The following CCDC71L variants were observed in gnomAD, a reference collection of about 807,000 sequenced individuals.
CCDC71L encodes coiled-coil domain containing 71 like, also known as coiled-coil domain-containing protein 71L.
A neutral mutation model predicts 10.2 loss-of-function variants in CCDC71L; 6 were observed. The observed-to-expected ratio is 0.59, with a 90% CI of 0.32 to 1.16. The LOEUF (loss-of-function observed/expected upper bound fraction) is 1.16. CCDC71L is among the 50% of genes most tolerant of loss of function. The probability of loss-of-function intolerance (pLI) is 0.05; values close to 1 mark genes in which losing one functional copy is unlikely to be tolerated. For synonymous variants in CCDC71L, 204 were observed against 175.5 expected, an observed-to-expected ratio of 1.16 and a Z score of -1.28; for missense variants, 366 against 383.4, an observed-to-expected ratio of 0.95 and a Z score of 0.38.
Position 106,657,170 on chromosome 7 carries a change from A to C in CCDC71L, c.*3019T>G, listed in dbSNP as rs971525906. The C allele has an allele frequency of 6.6e-6, 1 of 152,212 alleles. No individual in the cohort carries two copies. The highest frequency in any genetic ancestry group is 2.4e-5 in the African/African-American group (1 of 41,448). The allele number at this position is 152,212 out of a possible 1,614,324, so 9.4% of individuals were successfully genotyped here. A position where few individuals can be genotyped will look rare whatever the true frequency, so the allele number is the denominator to read the frequency against. ...TTACACTTGTCAATATTCAAACTTG[A>C]ATAAAATAAACACACATCACAACAG... On this transcript the variant is annotated 3_prime_UTR_variant, in exon 1 of 1. Coordinates refer to ENST00000523505, the MANE Select transcript of CCDC71L (RefSeq NM_175884.6).
rs1792518956 is a variant in CCDC71L, at chr7:106,657,986, A to T, written c.*2203T>A. 1 of 152,244 alleles carries T rather than the reference A, an allele frequency of 6.6e-6. No homozygotes were observed. The highest frequency in any genetic ancestry group is 2.1e-4 in the South Asian group (1 of 4,834). The allele number at this position is 152,244 out of a possible 1,614,324, so 9.4% of individuals were successfully genotyped here. On this transcript the variant is annotated 3_prime_UTR_variant, in exon 1 of 1. Transcript: ENST00000523505. Reference sequence around the variant, plus strand: ...AGCCAAATTTCAAAATCCTCTGGAAAACTATCTAGATAAGCTGTATGTCGA... The same window carrying T: ...AGCCAAATTTCAAAATCCTCTGGAATACTATCTAGATAAGCTGTATGTCGA...
In CCDC71L at chr7:106,660,635, ACTGGTG is replaced by A; in HGVS notation, c.256_261del (p.His86_Gln87del). 6.3e-7 allele frequency: 1 copy of A among 1,590,526 alleles called. No homozygotes were observed. The highest frequency in any genetic ancestry group is 8.6e-7 in the Non-Finnish European group (1 of 1,168,846). ...TTGCTGCGCAGGATGTGCGGGGAGA[ACTGGTG>A]CTTGAGGCTGCAGAGGAAGCTCCAG... On this transcript the variant is annotated inframe_deletion, in exon 1 of 1. Coordinates refer to ENST00000523505, the MANE Select transcript of CCDC71L (RefSeq NM_175884.6). The surrounding 1 kb of genome is among the most constrained non-coding windows in gnomAD (Gnocchi z 7.5).
chr7:106,660,968 T>G lies in CCDC71L; in HGVS notation c.-72A>C, dbSNP rs1343701610. 3 of 1,296,266 alleles carry G rather than the reference T, an allele frequency of 2.3e-6. No homozygotes were observed. Among genetic ancestry groups the G allele is most frequent in the Admixed American group, 4.2e-5 (1 of 23,676 alleles). The allele number at this position is 1,296,266 out of a possible 1,614,324, so 80.3% of individuals were successfully genotyped here. On this transcript the variant is annotated 5_prime_UTR_variant, in exon 1 of 1. Coordinates refer to ENST00000523505, the MANE Select transcript of CCDC71L (RefSeq NM_175884.6). This position sits in a 1 kb window ranked among gnomAD's most constrained non-coding sequence, Gnocchi z 7.5. ...CGCCGCCGTCCCAGTCCGCGTTGGCTCCGCGGCGGCGGCTGCTGCTGGCGT... is the reference window on the plus strand; with the variant it reads ...CGCCGCCGTCCCAGTCCGCGTTGGCGCCGCGGCGGCGGCTGCTGCTGGCGT...
At position 106,659,997 on chromosome 7, in the gene CCDC71L, C is replaced by A; in HGVS notation, c.*192G>T. 2 of 767,504 alleles carry A rather than the reference C, an allele frequency of 2.6e-6. No individual in the cohort carries two copies. The highest frequency in any genetic ancestry group is 1.9e-6 in the Non-Finnish European group (1 of 521,398). The allele number at this position is 767,504 out of a possible 1,614,324, so 47.5% of individuals were successfully genotyped here. A position where few individuals can be genotyped will look rare whatever the true frequency, so the allele number is the denominator to read the frequency against. ...GGAGGCAGCAGAGGGCACACCTGCC[C>A]CAGCGTCCAAGACGACCGCGCCGCG... On this transcript the variant is annotated 3_prime_UTR_variant, in exon 1 of 1. Coordinates refer to ENST00000523505, the MANE Select transcript of CCDC71L (RefSeq NM_175884.6).
In CCDC71L at chr7:106,660,414, G is replaced by A. The variant is rs1487616853; in HGVS notation, c.483C>T (p.Cys161=). The A allele has an allele frequency of 1.8e-5, 23 of 1,273,712 alleles. No homozygotes were observed. Among genetic ancestry groups the A allele is most frequent in the Non-Finnish European group, 2.0e-5 (20 of 1,011,060 alleles). 78.9% of individuals were successfully genotyped at this position (1,273,712 alleles called of 1,614,324 possible). The change falls in exon 1 of 1, where the codon TGC becomes TGT. Residue 161 remains cysteine, a synonymous_variant. Transcript: ENST00000523505. This position sits in a 1 kb window ranked among gnomAD's most constrained non-coding sequence, Gnocchi z 7.5. ...GCCCGGGGGCCACGGGCTTGGCCGG[G>A]CAGCTCTCCTCGGGGGGCGGCGGCG... ...PPPPPPPEES[C]PAKPVAPGPC...
Position 106,660,849 on chromosome 7 carries a change from C to A in CCDC71L, c.48G>T (p.Pro16=). The A allele has an allele frequency of 6.7e-7, 1 of 1,486,012 alleles. No homozygotes were observed. Among genetic ancestry groups the A allele is most frequent in the Non-Finnish European group, 8.9e-7 (1 of 1,124,076 alleles). The allele number at this position is 1,486,012 out of a possible 1,614,324, so 92.1% of individuals were successfully genotyped here. A position where few individuals can be genotyped will look rare whatever the true frequency, so the allele number is the denominator to read the frequency against. ...AGTCGCCGCCCCGGGCGGCCGTGGC[C>A]GGGGCGACCGGGCGCCGGCGCCGCC... ...KRRRRRRPVA[P]ATAARGGDFR... Residue 16 remains proline (P), a synonymous_variant, in exon 1 of 1, where the codon CCG becomes CCT. Transcript: ENST00000523505. The surrounding 1 kb of genome is among the most constrained non-coding windows in gnomAD (Gnocchi z 7.5).
In CCDC71L at chr7:106,657,615, T is replaced by C. The variant is rs1792512049; in HGVS notation, c.*2574A>G. Reference sequence around the variant, plus strand: ...CCATGAAATACTTTCACTTTCCTATTAGTATACCAGTCAACTATATTAGAT... The same window carrying C: ...CCATGAAATACTTTCACTTTCCTATCAGTATACCAGTCAACTATATTAGAT... On this transcript the variant is annotated 3_prime_UTR_variant, in exon 1 of 1. Transcript: ENST00000523505. 6.6e-6 allele frequency: 1 copy of C among 152,244 alleles called. No homozygotes were observed. Among genetic ancestry groups the C allele is most frequent in the Non-Finnish European group, 1.5e-5 (1 of 68,032 alleles). The allele number at this position is 152,244 out of a possible 1,614,324, so 9.4% of individuals were successfully genotyped here.
In CCDC71L at chr7:106,659,932, T is replaced by C; in HGVS notation, c.*257A>G. The C allele has an allele frequency of 2.1e-6, 1 of 471,374 alleles. No individual in the cohort carries two copies. The highest frequency in any genetic ancestry group is 4.2e-5 in the Admixed American group (1 of 23,866). The allele number at this position is 471,374 out of a possible 1,614,324, so 29.2% of individuals were successfully genotyped here. On this transcript the variant is annotated 3_prime_UTR_variant, in exon 1 of 1. Transcript: ENST00000523505. ...TGGTCAGGAAGAAAGGGACCTCCCC[T>C]GCGGGTCCAGCTGTCCCCTCCCTCC...
Position 106,660,898 on chromosome 7 carries a change from G to C in CCDC71L, c.-2C>G, listed in dbSNP as rs1018097637. 10 of 1,391,512 alleles carry C rather than the reference G, an allele frequency of 7.2e-6. No homozygotes were observed. The highest frequency in any genetic ancestry group is 3.0e-5 in the East Asian group (1 of 33,726). 86.2% of individuals were successfully genotyped at this position (1,391,512 alleles called of 1,614,324 possible). A position where few individuals can be genotyped will look rare whatever the true frequency, so the allele number is the denominator to read the frequency against. ...CCGCCTCTTCATACTGCGCCGCATCGAAGGCCGCTCCGGGCCACTCACGCT... is the reference window on the plus strand; with the variant it reads ...CCGCCTCTTCATACTGCGCCGCATCCAAGGCCGCTCCGGGCCACTCACGCT... On this transcript the variant is annotated 5_prime_UTR_variant, in exon 1 of 1. Coordinates refer to ENST00000523505, the MANE Select transcript of CCDC71L (RefSeq NM_175884.6). The surrounding 1 kb of genome is among the most constrained non-coding windows in gnomAD (Gnocchi z 7.5).
rs1293500409 is a variant in CCDC71L, at chr7:106,656,801, T to C, written c.*3388A>G. On this transcript the variant is annotated 3_prime_UTR_variant, in exon 1 of 1. Transcript: ENST00000523505. ...TAAAATTTATTTACAGTTAATAAGT[T>C]AAAAAGCAAAGTACAAGCAGATTAT... 6.6e-6 allele frequency: 1 copy of C among 152,180 alleles called. No homozygotes were observed. The highest frequency in any genetic ancestry group is 2.4e-5 in the African/African-American group (1 of 41,444). The allele number at this position is 152,180 out of a possible 1,614,324, so 9.4% of individuals were successfully genotyped here.
chr7:106,660,851 G>A lies in CCDC71L; in HGVS notation c.46C>T (p.Pro16Ser). The A allele has an allele frequency of 6.7e-7, 1 of 1,482,556 alleles. No homozygotes were observed. Among genetic ancestry groups the A allele is most frequent in the Non-Finnish European group, 8.9e-7 (1 of 1,122,630 alleles). 91.8% of individuals were successfully genotyped at this position (1,482,556 alleles called of 1,614,324 possible). ...TCGCCGCCCCGGGCGGCCGTGGCCGGGGCGACCGGGCGCCGGCGCCGCCGC... is the reference window on the plus strand; with the variant it reads ...TCGCCGCCCCGGGCGGCCGTGGCCGAGGCGACCGGGCGCCGGCGCCGCCGC... ...KRRRRRRPVA[P>S]ATAARGGDFR... The change falls in exon 1 of 1, where the codon CCG becomes TCG. Residue 16 changes from proline to serine, a missense_variant. Pro to Ser is a moderately conservative substitution (Grantham distance 74). Coordinates refer to ENST00000523505, the MANE Select transcript of CCDC71L (RefSeq NM_175884.6). This position sits in a 1 kb window ranked among gnomAD's most constrained non-coding sequence, Gnocchi z 7.5.
rs1792560795 is a variant in CCDC71L at position 106,660,053 on chromosome 7, T to TC, written c.*135dup. 8.2e-7 allele frequency: 1 copy of TC among 1,219,846 alleles called. No individual in the cohort carries two copies. The highest frequency in any genetic ancestry group is 3.2e-5 in the East Asian group (1 of 31,448). The allele number at this position is 1,219,846 out of a possible 1,614,324, so 75.6% of individuals were successfully genotyped here. ...GGACAGGGACAACCATCCGGCAACT[T>TC]CTTCGCGCGTAAAGTGCATTGGGGG... On this transcript the variant is annotated 3_prime_UTR_variant, in exon 1 of 1. Transcript: ENST00000523505. This position sits in a 1 kb window ranked among gnomAD's most constrained non-coding sequence, Gnocchi z 7.5.
chr7:106,657,787 G>A lies in CCDC71L; in HGVS notation c.*2402C>T, dbSNP rs1370456429. The stretch of plus-strand genomic sequence containing the variant: ...ATATTGAATTCAAGATGGACAATCA[G>A]ATCCAAAATGGAATCAGATAGCCCA... On this transcript the variant is annotated 3_prime_UTR_variant, in exon 1 of 1. Coordinates refer to ENST00000523505, the MANE Select transcript of CCDC71L (RefSeq NM_175884.6). The A allele has an allele frequency of 6.6e-6, 1 of 152,212 alleles. No homozygotes were observed. Among genetic ancestry groups the A allele is most frequent in the Admixed American group, 6.5e-5 (1 of 15,280 alleles). The allele number at this position is 152,212 out of a possible 1,614,324, so 9.4% of individuals were successfully genotyped here.
Position 106,660,139 on chromosome 7 carries a change from A to G in CCDC71L, c.*50T>C, listed in dbSNP as rs1320667640. 2 of 1,456,262 alleles carry G rather than the reference A, an allele frequency of 1.4e-6. No homozygotes were observed. Among genetic ancestry groups the G allele is most frequent in the South Asian group, 1.4e-5 (1 of 73,502 alleles). The allele number at this position is 1,456,262 out of a possible 1,614,324, so 90.2% of individuals were successfully genotyped here. Reference sequence around the variant, plus strand: ...ACACTTGTTCATTCCTCCGGGCGGAAGGCCTGTCCCAAGGTCGGGGCCGGC... The same window carrying G: ...ACACTTGTTCATTCCTCCGGGCGGAGGGCCTGTCCCAAGGTCGGGGCCGGC... On this transcript the variant is annotated 3_prime_UTR_variant, in exon 1 of 1. Coordinates refer to ENST00000523505, the MANE Select transcript of CCDC71L (RefSeq NM_175884.6). This position sits in a 1 kb window ranked among gnomAD's most constrained non-coding sequence, Gnocchi z 7.5.
chr7:106,661,146 C>T lies in CCDC71L; in HGVS notation c.-250G>A. 2.3e-6 allele frequency: 1 copy of T among 431,116 alleles called. No individual in the cohort carries two copies. The highest frequency in any genetic ancestry group is 4.0e-5 in the East Asian group (1 of 24,842). The allele number at this position is 431,116 out of a possible 1,614,324, so 26.7% of individuals were successfully genotyped here. A position where few individuals can be genotyped will look rare whatever the true frequency, so the allele number is the denominator to read the frequency against. On this transcript the variant is annotated 5_prime_UTR_variant, in exon 1 of 1. Transcript: ENST00000523505. ...CGCCTCGCCCCCCTGGTTTCTCTTTCTTCTCCTCTCTTGCCTCTTTTCGCC... is the reference window on the plus strand; with the variant it reads ...CGCCTCGCCCCCCTGGTTTCTCTTTTTTCTCCTCTCTTGCCTCTTTTCGCC...
In CCDC71L at chr7:106,658,790, A is replaced by G. The variant is rs1299688197; in HGVS notation, c.*1399T>C. On this transcript the variant is annotated 3_prime_UTR_variant, in exon 1 of 1. Transcript: ENST00000523505. ...TATGGTATAAACACTATAAAAGCGT[A>G]AAGAAGGGTCAGTATTCTGTGTGTC... 1 of 152,658 alleles carries G rather than the reference A, an allele frequency of 6.6e-6. No individual in the cohort carries two copies. Among genetic ancestry groups the G allele is most frequent in the African/African-American group, 2.4e-5 (1 of 41,454 alleles). 9.5% of individuals were successfully genotyped at this position (152,658 alleles called of 1,614,324 possible).
chr7:106,661,098 C>T lies in CCDC71L; in HGVS notation c.-202G>A, dbSNP rs1175036349. 2.7e-5 allele frequency: 18 copies of T among 678,022 alleles called. No individual in the cohort carries two copies. The Admixed American group carries it at 7.6e-4, about 29-fold the overall frequency. 42.0% of individuals were successfully genotyped at this position (678,022 alleles called of 1,614,324 possible). On this transcript the variant is annotated 5_prime_UTR_variant, in exon 1 of 1. Coordinates refer to ENST00000523505, the MANE Select transcript of CCDC71L (RefSeq NM_175884.6). Reference sequence around the variant, plus strand: ...GTACAAGATGGCGGCCGGCGCCCACCCCTGGGCTTTGTCATTGGACGGCGC... The same window carrying T: ...GTACAAGATGGCGGCCGGCGCCCACTCCTGGGCTTTGTCATTGGACGGCGC...
rs767510277 is a variant in CCDC71L, at chr7:106,660,708, G to T, written c.189C>A (p.Phe63Leu). The part of the protein sequence containing the change: ...TKALGDAFKL[F>L]MPRSTEFMSS... The stretch of plus-strand genomic sequence containing the variant: ...TCATGAACTCCGTGCTGCGGGGCAT[G>T]AAGAGCTTGAAGGCGTCGCCCAGCG... The change falls in exon 1 of 1, where the codon TTC becomes TTA. Residue 63 changes from phenylalanine (F) to leucine (L), a missense_variant. Coordinates refer to ENST00000523505, the MANE Select transcript of CCDC71L (RefSeq NM_175884.6). The surrounding 1 kb of genome is among the most constrained non-coding windows in gnomAD (Gnocchi z 7.5). 1.3e-6 allele frequency: 2 copies of T among 1,581,090 alleles called. No individual in the cohort carries two copies. Among genetic ancestry groups the T allele is most frequent in the South Asian group, 2.3e-5 (2 of 86,268 alleles).
At position 106,661,058 on chromosome 7, in the gene CCDC71L, A is replaced by T; in HGVS notation, c.-162T>A. 9.4e-7 allele frequency: 1 copy of T among 1,065,730 alleles called. No individual in the cohort carries two copies. Among genetic ancestry groups the T allele is most frequent in the Non-Finnish European group, 1.2e-6 (1 of 812,340 alleles). 66.0% of individuals were successfully genotyped at this position (1,065,730 alleles called of 1,614,324 possible). Reference sequence around the variant, plus strand: ...CTCCGAGGGCGGAGGACGCGGGCGAATATCCTGCTGCCCGGTACAAGATGG... The same window carrying T: ...CTCCGAGGGCGGAGGACGCGGGCGATTATCCTGCTGCCCGGTACAAGATGG... On this transcript the variant is annotated 5_prime_UTR_variant, in exon 1 of 1. Transcript: ENST00000523505.
Sources: gnomAD v4.1 joint callset for allele counts on GRCh38, gnomAD v4.1.1 for gene constraint, Gnocchi (gnomAD v3.1) non-coding constraint, MANE v1.5 for transcripts, NCBI Gene and HGNC (gene_info 2026-07-23, HGNC 2026-07-21) for gene names.